Variants in SPECC1 observed in about 807,000 individuals in gnomAD.
SPECC1 encodes cytospin-B.
A neutral mutation model predicts 104.1 loss-of-function variants in SPECC1; 62 were observed. That is an observed-to-expected ratio of 0.60 (90% confidence interval 0.49 to 0.74). SPECC1 has a LOEUF of 0.74. Ranked by LOEUF, SPECC1 falls within the 30% of genes least tolerant of loss-of-function variation. The probability of loss-of-function intolerance (pLI) is 0.00; values close to 1 mark genes in which losing one functional copy is unlikely to be tolerated. For synonymous variants in SPECC1, 513 were observed against 501.6 expected (o/e 1.02, Z -0.30); for missense variants, 1,306 against 1,310.5 (o/e 1.00, Z 0.05).
chr17:20,112,465 G>C, intron 3 of SPECC1: 4 of 766,240 alleles, frequency 5.2e-6, no homozygotes, highest in Non-Finnish European at 9.7e-6. Flanking sequence ...CTTCAATCAA[G>C]TCAGAACTGC....
intron 12 of SPECC1, among the ~76,000 whole-genome samples, chr17:20,284,559 C>T (rs573806990): frequency 5.0e-4 from 76 of 152,358 alleles, no homozygotes; most frequent in Non-Finnish European, 9.4e-4. Context: ...GCACAGGCTG[C>T]ATTTGCTGAG....
intron 3 of SPECC1, among the ~76,000 whole-genome samples, chr17:20,123,765 G>A (rs966099630): frequency 1.3e-5 from 2 of 152,096 alleles, no homozygotes; most frequent in East Asian, 1.9e-4. Flanking sequence ...TACTATTACC[G>A]GTGACTAGCA....
intron 4 of SPECC1, among the ~76,000 whole-genome samples, chr17:20,225,442 G>T (rs1251127514): frequency 2.0e-5 from 3 of 152,204 alleles, no homozygotes; most frequent in Non-Finnish European, 4.4e-5. Context: ...ATTCTCACTG[G>T]AATGGAAGAT....
intron 1 of SPECC1, among the ~76,000 whole-genome samples, chr17:20,038,767 A>G (rs1160531850): frequency 6.6e-6 from 1 of 152,234 alleles, no homozygotes; most frequent in African/African-American, 2.4e-5. Flanking sequence ...ATAAAAATGA[A>G]TATCAGAAAT....
chr17:20,282,196 AAGAC>A (rs2040795593), intron 12 of SPECC1, among the ~76,000 whole-genome samples: 1 of 152,248 alleles, frequency 6.6e-6, no homozygotes, highest in South Asian at 2.1e-4. Context: ...GGAAGCAAGA[AAGAC>A]AGGGCCCCAG....
chr17:20,175,646 T>G (rs529746035), intron 3 of SPECC1, among the ~76,000 whole-genome samples: 1 of 152,360 alleles, frequency 6.6e-6, no homozygotes, highest in African/African-American at 2.4e-5. Flanking sequence ...ATGTTTTTCT[T>G]TAAACATCTT....
intron 1 of SPECC1, among the ~76,000 whole-genome samples, chr17:20,080,385 A>G (rs181878531): frequency 6.6e-6 from 1 of 152,216 alleles, no homozygotes; most frequent in Admixed American, 6.5e-5. Context: ...TATTTTGTTT[A>G]ATTACAAGCG....
Position 20,260,296 on chromosome 17 carries a change from T to G in SPECC1, c.2940+2T>G. The G allele has an allele frequency of 6.2e-7, 1 of 1,613,242 alleles. No individual in the cohort carries two copies. Among genetic ancestry groups the G allele is most frequent in the South Asian group, 1.1e-5 (1 of 90,976 alleles). ...CAGAAGAAGACACAAGGTTATGCGG[T>G]AAGGGACAACATCAGCCAACTTCCA... On this transcript the variant is annotated splice_donor_variant, in intron 12 of 14. Coordinates refer to ENST00000395527, the MANE Select transcript of SPECC1 (RefSeq NM_001243439.2). LOFTEE classifies it high-confidence loss of function.
intron 3 of SPECC1, among the ~76,000 whole-genome samples, chr17:20,144,086 C>G (rs1246497497): frequency 2.0e-5 from 3 of 151,988 alleles, no homozygotes; most frequent in Non-Finnish European, 4.4e-5. Flanking sequence ...TCCTGGGACT[C>G]CCAGAAATAC....
chr17:20,309,993 A>AT (rs199577528), intron 14 of SPECC1, among the ~76,000 whole-genome samples: 18,190 of 150,194 alleles, frequency 0.12, 1,114 homozygotes, highest in Non-Finnish European at 0.13. Flanking sequence ...AATTTTTTGT[A>AT]TTTTTTTTAG....
chr17:20,189,998 A>G (rs182511017), intron 3 of SPECC1, among the ~76,000 whole-genome samples: 1 of 151,998 alleles, frequency 6.6e-6, no homozygotes, highest in African/African-American at 2.4e-5. Flanking sequence ...TTTTCCCTCC[A>G]TTTGATTTGC....
At chr17:20,236,988 A>G (rs780845506) in intron 7 of SPECC1, 6 of 1,571,362 alleles carry the variant, frequency 3.8e-6, no homozygotes, top group African/African-American at 2.8e-5. Flanking sequence ...GCCTCTTTAT[A>G]AAGAGCCCAG....
chr17:20,194,278 A>T (rs904008207), intron 3 of SPECC1, among the ~76,000 whole-genome samples: 1 of 151,882 alleles, frequency 6.6e-6, no homozygotes, highest in Admixed American at 6.6e-5. Flanking sequence ...TCCCAGGATA[A>T]CTTGGGGCTC....
chr17:20,293,092 T>A (rs2041226848), intron 12 of SPECC1, among the ~76,000 whole-genome samples: 1 of 152,164 alleles, frequency 6.6e-6, no homozygotes, highest in African/African-American at 2.4e-5. Flanking sequence ...TGACACCATC[T>A]CTTTTGACCT....
At chr17:20,094,405 T>A (rs1017652852) in intron 1 of SPECC1, among the ~76,000 whole-genome samples, 8 of 152,236 alleles carry the variant, frequency 5.3e-5, no homozygotes, top group Non-Finnish European at 1.2e-4. Context: ...AGTTTAGATC[T>A]TTTAATTTTG....
intron 3 of SPECC1, chr17:20,111,686 C>T (rs556296608): frequency 3.9e-4 from 233 of 595,984 alleles, no homozygotes; most frequent in Admixed American, 9.0e-4. Context: ...TGTGGTGTGT[C>T]CCCAAAAGCA....
At chr17:20,068,407 T>C (rs1471383374) in intron 1 of SPECC1, among the ~76,000 whole-genome samples, 3 of 152,236 alleles carry the variant, frequency 2.0e-5, no homozygotes, top group African/African-American at 7.2e-5. Flanking sequence ...CTGGGTTTTT[T>C]CTACTTTATG....
chr17:20,121,373 T>G (rs1026233589), intron 3 of SPECC1, among the ~76,000 whole-genome samples: 25 of 151,722 alleles, frequency 1.6e-4, no homozygotes, highest in Admixed American at 3.3e-4. Context: ...TTTTTTTTGT[T>G]GTTGTTGTTT....
intron 7 of SPECC1, chr17:20,238,136 A>G (rs772615150): frequency 2.8e-5 from 29 of 1,030,278 alleles, no homozygotes; most frequent in Non-Finnish European, 3.0e-5. Flanking sequence ...GTTGATTTCC[A>G]GAATCTTGTT....
Sources: allele counts gnomAD v4.1 joint callset (sites outside exome capture counted in the v4.1 genomes callset), GRCh38; gene constraint gnomAD v4.1.1; transcripts MANE v1.5; gene names NCBI Gene and HGNC (gene_info 2026-07-23, HGNC 2026-07-21).